Variants in RPTOR observed in about 807,000 individuals in gnomAD.
RPTOR encodes regulatory-associated protein of mTOR.
RPTOR carries 21 observed loss-of-function variants against 169.9 expected under a neutral mutation model. The ratio of observed to expected loss-of-function variants is 0.12; its 90% confidence interval spans 0.09 to 0.18. The LOEUF is 0.18. RPTOR is among the 10% of genes least tolerant of loss of function. The pLI, the probability that RPTOR is intolerant of heterozygous loss-of-function variation, is 1.00. For missense variants in RPTOR, 1,133 were observed against 1,855.9 expected, an observed-to-expected ratio of 0.61 and a Z score of 7.16; for synonymous variants, 732 against 753.2, an observed-to-expected ratio of 0.97 and a Z score of 0.46.
rs116350325 is a variant in RPTOR at position 80,904,731 on chromosome 17, G to A, written c.2402-4080G>A. Among the ~76,000 whole-genome samples, 759 of 152,158 alleles carry A rather than the reference G, an allele frequency of 5.0e-3. 5 individuals carry two copies. The highest frequency in any genetic ancestry group is 0.014 in the African/African-American group (570 of 41,496). On this transcript the variant is annotated intron_variant, in intron 20 of 33. Coordinates refer to ENST00000306801, the MANE Select transcript of RPTOR (RefSeq NM_020761.3). ...TCGAATCCGATGGGAAGTTCTCTGC[G>A]GTCTGTTTTGGGGACTGGCAGATTT...
chr17:80,917,176 G>A (rs139076504), intron 21 of RPTOR, among the ~76,000 whole-genome samples: 9 of 150,692 alleles, frequency 6.0e-5, no homozygotes, highest in Admixed American at 3.3e-4. Flanking sequence ...GCAGTGGCGC[G>A]ATCTCAGCTC....
At chr17:80,694,218 G>A (rs934901717) in intron 3 of RPTOR, among the ~76,000 whole-genome samples, 1 of 152,344 alleles carries the variant, frequency 6.6e-6, no homozygotes, top group Middle Eastern at 3.4e-3. Flanking sequence ...CGAGGCAGTT[G>A]CCCCGTGCTC....
At chr17:80,591,658 C>T (rs936073748) in intron 1 of RPTOR, among the ~76,000 whole-genome samples, 2 of 152,132 alleles carry the variant, frequency 1.3e-5, no homozygotes, top group Non-Finnish European at 1.5e-5. Context: ...GGATTACAGG[C>T]TTCAGCCACC....
At chr17:80,933,082 A>T (rs1470488104) in intron 24 of RPTOR, among the ~76,000 whole-genome samples, 6 of 152,194 alleles carry the variant, frequency 3.9e-5, no homozygotes, top group Non-Finnish European at 8.8e-5. Context: ...CAAGACAAAC[A>T]TATCCTCTCT....
chr17:80,774,352 C>T (rs2066873186), intron 6 of RPTOR: 1 of 985,198 alleles, frequency 1.0e-6, no homozygotes, highest in Non-Finnish European at 1.2e-6. Context: ...TGAATTGTAT[C>T]ATATTTCACA....
chr17:80,736,943 A>G (rs1223485165), intron 5 of RPTOR, among the ~76,000 whole-genome samples: 1 of 152,188 alleles, frequency 6.6e-6, no homozygotes, highest in Non-Finnish European at 1.5e-5. Context: ...TCTTTCAAGC[A>G]ATGATTTTCA....
intron 24 of RPTOR, among the ~76,000 whole-genome samples, chr17:80,926,807 C>T (rs777868034): frequency 5.3e-5 from 8 of 152,230 alleles, no homozygotes; most frequent in Non-Finnish European, 8.8e-5. Flanking sequence ...TCGCAAATGG[C>T]GCCACCCACG....
At chr17:80,764,680 A>C (rs2066769215) in intron 6 of RPTOR, among the ~76,000 whole-genome samples, 2 of 152,114 alleles carry the variant, frequency 1.3e-5, no homozygotes, top group African/African-American at 4.8e-5. Flanking sequence ...TATACCCAGT[A>C]ATGGGATGGC....
intron 7 of RPTOR, among the ~76,000 whole-genome samples, chr17:80,810,081 AAATAAATAAAT>A (rs2067258652): frequency 7.3e-6 from 1 of 136,860 alleles, no homozygotes; most frequent in South Asian, 2.3e-4. Flanking sequence ...ATAAATAAAT[AAATAAATAAAT>A]AAAACAGTCT....
At chr17:80,693,647 A>T (rs2066011536) in intron 3 of RPTOR, among the ~76,000 whole-genome samples, 1 of 152,194 alleles carries the variant, frequency 6.6e-6, no homozygotes, top group Admixed American at 6.5e-5. Context: ...CGGTGTACGC[A>T]ATTTCCTACT....
At position 80,570,548 on chromosome 17, in the gene RPTOR, C is replaced by T. The variant is rs556582977; in HGVS notation, c.162+24757C>T. On this transcript the variant is annotated intron_variant, in intron 1 of 33. Coordinates refer to ENST00000306801, the MANE Select transcript of RPTOR (RefSeq NM_020761.3). ...CAGTCTCGGCTCACTGCAACCTCCG[C>T]CTCCTGGGTTTAAGCGATTCTCCTG... Among the ~76,000 whole-genome samples the T allele has an allele frequency of 2.2e-4, 34 of 152,212 alleles. No individual in the cohort carries two copies. The South Asian group carries it at 6.6e-3, about 30-fold the overall frequency.
At chr17:80,600,560 T>C (rs1385216432) in intron 1 of RPTOR, among the ~76,000 whole-genome samples, 1 of 151,924 alleles carries the variant, frequency 6.6e-6, no homozygotes, top group Non-Finnish European at 1.5e-5. Context: ...GGGTGGGACA[T>C]TGTGTGTGGG....
intron 6 of RPTOR, among the ~76,000 whole-genome samples, chr17:80,782,396 T>C (rs1318681181): frequency 6.6e-6 from 1 of 152,142 alleles, no homozygotes; most frequent in Non-Finnish European, 1.5e-5. Flanking sequence ...TATTTTTTTA[T>C]TTTTATTTTT....
Position 80,900,748 on chromosome 17 carries a change from C to A in RPTOR, c.2401+6883C>A, listed in dbSNP as rs1182740172. 2.0e-5 allele frequency among the ~76,000 whole-genome samples: 3 copies of A among 152,248 alleles called. No homozygotes were observed. In the East Asian group the frequency reaches 5.8e-4, roughly 29 times the overall value. On this transcript the variant is annotated intron_variant, in intron 20 of 33. Transcript: ENST00000306801. ...CATGGGGTTCTCGGTTCACTCTCGT[C>A]CCTCCACTCACACGTATCTGGCCAT... is the stretch of plus-strand genomic sequence containing the variant.
At position 80,837,787 on chromosome 17, in the gene RPTOR, C is replaced by A. The variant is rs1290425409; in HGVS notation, c.1137-135C>A. On this transcript the variant is annotated intron_variant, in intron 9 of 33. Transcript: ENST00000306801. ...AACAGCAGTGAAACCGTAAACATGCCCCCCACCAGCTGCCGTGGCCTCCGC... is the reference window on the plus strand; with the variant it reads ...AACAGCAGTGAAACCGTAAACATGCACCCCACCAGCTGCCGTGGCCTCCGC... The A allele has an allele frequency of 4.0e-5, 31 of 782,742 alleles. No homozygotes were observed. The Middle Eastern group carries it at 4.1e-3, about 103-fold the overall frequency. The allele number at this position is 782,742 out of a possible 1,614,324, so 48.5% of individuals were successfully genotyped here. A position where few individuals can be genotyped will look rare whatever the true frequency, so the allele number is the denominator to read the frequency against.
In RPTOR at chr17:80,708,132, C is replaced by A; in HGVS notation, c.507+133C>A. 1.1e-6 allele frequency: 1 copy of A among 885,698 alleles called. No homozygotes were observed. Among genetic ancestry groups the A allele is most frequent in the Non-Finnish European group, 1.7e-6 (1 of 593,160 alleles). 54.9% of individuals were successfully genotyped at this position (885,698 alleles called of 1,614,324 possible). ...TACTGTGTTTCAACAAACCCAAATGCCATAACTGAACGGACCAGGTAGTCA... is the reference window on the plus strand; with the variant it reads ...TACTGTGTTTCAACAAACCCAAATGACATAACTGAACGGACCAGGTAGTCA... On this transcript the variant is annotated intron_variant, in intron 4 of 33. Coordinates refer to ENST00000306801, the MANE Select transcript of RPTOR (RefSeq NM_020761.3). The surrounding 1 kb of genome is among the most constrained non-coding windows in gnomAD (Gnocchi z 4.2).
intron 28 of RPTOR, among the ~76,000 whole-genome samples, chr17:80,951,166 C>T (rs551167506): frequency 9.9e-5 from 15 of 151,126 alleles, no homozygotes; most frequent in African/African-American, 3.7e-4. Flanking sequence ...CCTGAGACCC[C>T]CCAGAAGCAT....
At chr17:80,631,059 G>A (rs1033834716) in intron 2 of RPTOR, among the ~76,000 whole-genome samples, 4 of 152,162 alleles carry the variant, frequency 2.6e-5, no homozygotes, top group East Asian at 1.9e-4. Context: ...TGCCCAGGGC[G>A]TGTTCTGCTC....
At chr17:80,911,551 G>A (rs898824467) in intron 21 of RPTOR, among the ~76,000 whole-genome samples, 1 of 152,172 alleles carries the variant, frequency 6.6e-6, no homozygotes, top group Non-Finnish European at 1.5e-5. Context: ...GGAGGCCAAG[G>A]CGAGAGACGA....
Sources: allele counts gnomAD v4.1 joint callset (sites outside exome capture counted in the v4.1 genomes callset), GRCh38; gene constraint gnomAD v4.1.1; non-coding constraint Gnocchi (gnomAD v3.1); transcripts MANE v1.5; gene names NCBI Gene and HGNC (gene_info 2026-07-23, HGNC 2026-07-21).